The following NRXN1 variants were observed in gnomAD, a reference collection of about 807,000 sequenced individuals.
The protein encoded by NRXN1 is neurexin 1.
A neutral mutation model predicts 150.9 loss-of-function variants in NRXN1; 39 were observed. The observed-to-expected ratio is 0.26, with a 90% CI of 0.20 to 0.34. The LOEUF is 0.34. Among genes scored for constraint, NRXN1 ranks in the 10% least tolerant of loss-of-function variants. The probability of loss-of-function intolerance (pLI) is 1.00; values close to 1 mark genes in which losing one functional copy is unlikely to be tolerated. For missense variants in NRXN1, 1,815 were observed against 1,949.9 expected (o/e 0.93, Z 1.30); for synonymous variants, 924 against 757.0 (o/e 1.22, Z -3.62).
At chr2:50,038,373 C>T (rs1453864992) in intron 21 of NRXN1, among the ~76,000 whole-genome samples, 1 of 152,200 alleles carries the variant, frequency 6.6e-6, no homozygotes, top group African/African-American at 2.4e-5. Flanking sequence ...CTTTCTCTCT[C>T]TCTCTCTCAT....
chr2:50,673,289 T>C (rs1461076457), intron 5 of NRXN1, among the ~76,000 whole-genome samples: 1 of 152,148 alleles, frequency 6.6e-6, no homozygotes, highest in African/African-American at 2.4e-5. Context: ...TAAAAAGACA[T>C]GTTTAGATCT....
At chr2:50,810,612 C>T (rs903722776) in intron 5 of NRXN1, among the ~76,000 whole-genome samples, 2 of 152,132 alleles carry the variant, frequency 1.3e-5, no homozygotes, top group Non-Finnish European at 2.9e-5. Context: ...TGAACACCCT[C>T]TAAAAGCAAT....
intron 18 of NRXN1, among the ~76,000 whole-genome samples, chr2:50,141,786 C>T (rs1461140371): frequency 6.6e-6 from 1 of 151,916 alleles, no homozygotes; most frequent in Non-Finnish European, 1.5e-5. Flanking sequence ...GAATGTCTAC[C>T]ATCTAAAAGA....
chr2:50,915,879 A>C (rs1281110987), intron 5 of NRXN1, among the ~76,000 whole-genome samples: 1 of 150,594 alleles, frequency 6.6e-6, no homozygotes, highest in African/African-American at 2.4e-5. Context: ...TCCATATTAC[A>C]GATCATAAGG....
intron 9 of NRXN1, 37 bp downstream of exon 9, chr2:50,552,550 C>T (rs774106668): frequency 2.0e-6 from 3 of 1,513,490 alleles, no homozygotes; most frequent in Non-Finnish European, 2.7e-6. Flanking sequence ...GTGGGGTGCT[C>T]CAGCAGATAA....
intron 2 of NRXN1, among the ~76,000 whole-genome samples, chr2:51,022,886 G>A (rs945535994): frequency 6.6e-6 from 1 of 152,162 alleles, no homozygotes; most frequent in African/African-American, 2.4e-5. Flanking sequence ...CTTGGGGTAT[G>A]CTATAAAGTG....
chr2:50,996,215 A>G (rs148687336), intron 2 of NRXN1, among the ~76,000 whole-genome samples: 1 of 152,192 alleles, frequency 6.6e-6, no homozygotes, highest in East Asian at 1.9e-4. Context: ...GGGAGGTGGT[A>G]ATTATTTTAA....
chr2:49,984,188 C>A (rs1331376187), intron 21 of NRXN1, among the ~76,000 whole-genome samples: 1 of 151,790 alleles, frequency 6.6e-6, no homozygotes, highest in Non-Finnish European at 1.5e-5. Context: ...AAAAAAAAAT[C>A]AGAAAAAGCA....
At chr2:50,205,076 G>T (rs990421196) in intron 18 of NRXN1, among the ~76,000 whole-genome samples, 1 of 151,994 alleles carries the variant, frequency 6.6e-6, no homozygotes, top group African/African-American at 2.4e-5. Flanking sequence ...GAAAAATTAT[G>T]CTTAGAAAGG....
rs546158692 is a variant in NRXN1 at position 50,029,867 on chromosome 2, C to A, written c.4128+23404G>T. 2.2e-4 allele frequency among the ~76,000 whole-genome samples: 34 copies of A among 152,134 alleles called. No homozygotes were observed. The South Asian group carries it at 3.5e-3, about 16-fold the overall frequency. ...TAAGCCCAAAGGTCTTTTGAATGAA[C>A]CTTATAAGAATATCTATCTACCTCA... On this transcript the variant is annotated intron_variant, in intron 21 of 22. Transcript: ENST00000401669.
intron 18 of NRXN1, among the ~76,000 whole-genome samples, chr2:50,180,833 G>C (rs982415727): frequency 1.3e-5 from 2 of 152,114 alleles, no homozygotes; most frequent in African/African-American, 4.8e-5. Flanking sequence ...TAAAAGTCTT[G>C]CATGCACTGA....
chr2:50,535,908 A>C (rs1471803970), intron 10 of NRXN1, among the ~76,000 whole-genome samples: 1 of 152,168 alleles, frequency 6.6e-6, no homozygotes, highest in Non-Finnish European at 1.5e-5. Flanking sequence ...ATTATAAATT[A>C]TCAATTTTTG....
chr2:50,753,858 T>C (rs1700880392), intron 5 of NRXN1, among the ~76,000 whole-genome samples: 2 of 150,314 alleles, frequency 1.3e-5, no homozygotes, highest in Admixed American at 1.3e-4. Context: ...AAAGTGTGAC[T>C]GACAAGCCAC....
intron 2 of NRXN1, among the ~76,000 whole-genome samples, chr2:50,961,512 A>AC (rs533691348): frequency 4.3e-4 from 65 of 151,900 alleles, no homozygotes; most frequent in Non-Finnish European, 8.0e-4. Context: ...AACAACAACA[A>AC]AAAACCCAAC....
intron 5 of NRXN1, among the ~76,000 whole-genome samples, chr2:50,754,760 T>C (rs1169217815): frequency 6.6e-6 from 1 of 151,912 alleles, no homozygotes; most frequent in African/African-American, 2.4e-5. Context: ...ATTACCAGCT[T>C]GTTCTACTTT....
At chr2:50,437,561 GTT>G (rs954677349) in intron 17 of NRXN1, among the ~76,000 whole-genome samples, 1 of 152,116 alleles carries the variant, frequency 6.6e-6, no homozygotes, top group African/African-American at 2.4e-5. Context: ...TGTTCAGTGT[GTT>G]TGTTGATATC....
chr2:50,704,222 G>C (rs1296172053), intron 5 of NRXN1, among the ~76,000 whole-genome samples: 1 of 151,990 alleles, frequency 6.6e-6, no homozygotes, highest in Non-Finnish European at 1.5e-5. Context: ...ATAAAAGATT[G>C]ATACTAATCC....
At chr2:50,130,579 T>G (rs1574072526) in intron 18 of NRXN1, among the ~76,000 whole-genome samples, 1 of 152,240 alleles carries the variant, frequency 6.6e-6, no homozygotes, top group East Asian at 1.9e-4. Flanking sequence ...CATAATATAT[T>G]CTATATTCTG....
At chr2:50,672,931 T>C (rs1385246046) in intron 5 of NRXN1, among the ~76,000 whole-genome samples, 2 of 152,046 alleles carry the variant, frequency 1.3e-5, no homozygotes, top group African/African-American at 4.8e-5. Flanking sequence ...AAACACTATA[T>C]TGAGATCACA....
Sources: gnomAD v4.1 joint callset for allele counts (sites outside exome capture counted in the v4.1 genomes callset) on GRCh38, gnomAD v4.1.1 for gene constraint, MANE v1.5 for transcripts, NCBI Gene and HGNC (gene_info 2026-07-23, HGNC 2026-07-21) for gene names.